The following RIT2 variants were observed in gnomAD, a reference collection of about 807,000 sequenced individuals.
RIT2 encodes GTP-binding protein Rit2.
Under a neutral mutation model 23.7 loss-of-function variants are expected in RIT2, and 24 were observed. The observed-to-expected ratio is 1.01, with a 90% confidence interval of 0.73 to 1.43. The LOEUF (loss-of-function observed/expected upper bound fraction) is 1.43, where lower values mean the gene tolerates loss of function less well. Among genes scored for constraint, RIT2 ranks in the 40% most tolerant of loss-of-function variants. The probability of loss-of-function intolerance (pLI) is 0.00; values close to 1 mark genes in which losing one functional copy is unlikely to be tolerated. For synonymous variants in RIT2, 107 were observed against 91.1 expected (o/e 1.17, Z -0.99); for missense variants, 236 against 266.9 (o/e 0.88, Z 0.81).
chr18:42,950,733 CA>C (rs1050870804), intron 3 of RIT2, among the ~76,000 whole-genome samples: 1 of 151,444 alleles, frequency 6.6e-6, no homozygotes, highest in Non-Finnish European at 1.5e-5. Flanking sequence ...AAAAAATGGG[CA>C]AAAGACATGA....
chr18:42,974,552 A>G (rs953378836), intron 2 of RIT2, among the ~76,000 whole-genome samples: 3 of 152,050 alleles, frequency 2.0e-5, no homozygotes, highest in Non-Finnish European at 4.4e-5. Flanking sequence ...CTTATTTAAC[A>G]TAGTACTAGA....
At chr18:42,962,425 A>G (rs1271510635) in intron 3 of RIT2, among the ~76,000 whole-genome samples, 2 of 152,178 alleles carry the variant, frequency 1.3e-5, no homozygotes, top group Non-Finnish European at 2.9e-5. Flanking sequence ...TTCCCATTAG[A>G]TAAGATTATA....
Position 42,767,927 on chromosome 18 carries a change from G to A in RIT2, c.427-24207C>T, listed in dbSNP as rs568433015. ...GCCTTTCGCCTCCCACCATGATTTT[G>A]AAGCCTCCCCAGCCATGTGGAACTG... On this transcript the variant is annotated intron_variant, in intron 4 of 4. Transcript: ENST00000326695. Among the ~76,000 whole-genome samples, 199 of 152,040 alleles carry A rather than the reference G, an allele frequency of 1.3e-3. 2 individuals carry two copies. Among genetic ancestry groups the A allele is most frequent in the African/African-American group, 4.6e-3 (189 of 41,472 alleles).
At chr18:42,775,540 C>CA (rs774342460) in intron 4 of RIT2, among the ~76,000 whole-genome samples, 5 of 151,692 alleles carry the variant, frequency 3.3e-5, no homozygotes, top group Non-Finnish European at 5.9e-5. Flanking sequence ...ACTAAAAATA[C>CA]AAAAAAATTA....
chr18:42,869,887 T>C (rs947449257), intron 4 of RIT2, among the ~76,000 whole-genome samples: 2 of 152,192 alleles, frequency 1.3e-5, no homozygotes, highest in Non-Finnish European at 2.9e-5. Context: ...TTAATAAAGG[T>C]ATAGTCCCAC....
chr18:42,854,362 G>A (rs925238739), intron 4 of RIT2, among the ~76,000 whole-genome samples: 3 of 152,132 alleles, frequency 2.0e-5, no homozygotes, highest in Non-Finnish European at 4.4e-5. Flanking sequence ...AAGATAGTAA[G>A]CTTATAATAA....
At chr18:42,946,414 G>A (rs1019100223) in intron 3 of RIT2, among the ~76,000 whole-genome samples, 2 of 152,052 alleles carry the variant, frequency 1.3e-5, no homozygotes, top group East Asian at 3.9e-4. Flanking sequence ...CAAAATTCTC[G>A]TGTTCAGGAG....
intron 4 of RIT2, among the ~76,000 whole-genome samples, chr18:42,852,960 A>G (rs886695553): frequency 9.2e-5 from 14 of 151,892 alleles, no homozygotes; most frequent in Admixed American, 3.9e-4. Context: ...CGGCCTCCCA[A>G]ATAGCTGAGA....
chr18:42,775,938 C>G (rs752439161), intron 4 of RIT2, among the ~76,000 whole-genome samples: 25 of 151,784 alleles, frequency 1.6e-4, no homozygotes, highest in Non-Finnish European at 2.8e-4. Flanking sequence ...CTTCCCAGTA[C>G]TATTGAGTAA....
At chr18:42,744,189 TCTCCC>T (rs1041471386) in intron 4 of RIT2, among the ~76,000 whole-genome samples, 2 of 152,026 alleles carry the variant, frequency 1.3e-5, no homozygotes, top group African/African-American at 4.8e-5. Flanking sequence ...CCCCACCCCA[TCTCCC>T]TTTGCTGACT....
At chr18:43,087,156 C>A (rs1199177422) in intron 1 of RIT2, among the ~76,000 whole-genome samples, 1 of 151,960 alleles carries the variant, frequency 6.6e-6, no homozygotes, top group Non-Finnish European at 1.5e-5. Context: ...GTATGAGAAT[C>A]ACTTGAGCCT....
intron 4 of RIT2, among the ~76,000 whole-genome samples, chr18:42,761,231 G>A (rs181993047): frequency 3.9e-5 from 6 of 152,058 alleles, no homozygotes; most frequent in Admixed American, 2.6e-4. Flanking sequence ...CCTTGGACTT[G>A]TCTTTTTTTG....
At chr18:43,016,918 A>G (rs1911488214) in intron 2 of RIT2, among the ~76,000 whole-genome samples, 1 of 151,924 alleles carries the variant, frequency 6.6e-6, no homozygotes. Context: ...CATTAGTTAA[A>G]TTAAAAGCTT....
At chr18:43,036,483 T>G (rs905285941) in intron 1 of RIT2, among the ~76,000 whole-genome samples, 6 of 152,136 alleles carry the variant, frequency 3.9e-5, no homozygotes, top group African/African-American at 1.4e-4. Flanking sequence ...GAGGTTGCAG[T>G]GAGCCGAAAT....
At chr18:42,843,761 A>G (rs1007432276) in intron 4 of RIT2, among the ~76,000 whole-genome samples, 2 of 152,204 alleles carry the variant, frequency 1.3e-5, no homozygotes, top group Admixed American at 1.3e-4. Context: ...TGATGTTTGT[A>G]GCAATGACTG....
chr18:42,905,287 T>C (rs1258485591), intron 4 of RIT2, among the ~76,000 whole-genome samples: 1 of 152,192 alleles, frequency 6.6e-6, no homozygotes, highest in East Asian at 1.9e-4. Flanking sequence ...TTAACATAGA[T>C]ATCAAAATTA....
intron 4 of RIT2, among the ~76,000 whole-genome samples, chr18:42,893,291 G>T (rs1018277429): frequency 5.3e-5 from 8 of 150,990 alleles, no homozygotes; most frequent in Admixed American, 3.3e-4. Flanking sequence ...AAATACCTTA[G>T]TCTTGTTAAT....
intron 4 of RIT2, among the ~76,000 whole-genome samples, chr18:42,795,549 C>T (rs922192388): frequency 2.0e-5 from 3 of 152,344 alleles, no homozygotes; most frequent in Admixed American, 6.5e-5. Context: ...CTGAGCCTCC[C>T]GGATGAGCGC....
At chr18:43,052,797 C>T (rs949753456) in intron 1 of RIT2, among the ~76,000 whole-genome samples, 2 of 152,050 alleles carry the variant, frequency 1.3e-5, no homozygotes, top group African/African-American at 4.8e-5. Flanking sequence ...CTCTCACACT[C>T]TAATAATATA....
Sources: gnomAD v4.1 joint callset for allele counts (sites outside exome capture counted in the v4.1 genomes callset) on GRCh38, gnomAD v4.1.1 for gene constraint, MANE v1.5 for transcripts, NCBI Gene and HGNC (gene_info 2026-07-23, HGNC 2026-07-21) for gene names.